The following AIG1 variants were observed in gnomAD, a reference collection of about 807,000 sequenced individuals.
AIG1 encodes the protein androgen-induced gene 1 protein.
In AIG1, 23 loss-of-function variants were observed where a neutral mutation model predicts 31.4. The ratio of observed to expected loss-of-function variants is 0.73; its 90% CI spans 0.53 to 1.04. The LOEUF is 1.04. Among genes scored for constraint, AIG1 ranks in the 50% least tolerant of loss-of-function variants. The pLI is 0.00. For missense variants in AIG1, 274 were observed against 295.0 expected (o/e 0.93, Z 0.52); for synonymous variants, 100 against 110.5 (o/e 0.90, Z 0.60).
At chr6:143,135,124 G>T (rs76505526) in intron 1 of AIG1, among the ~76,000 whole-genome samples, 2,244 of 152,196 alleles carry the variant, frequency 0.015, 40 homozygotes, top group Middle Eastern at 0.082. Context: ...GGTATTGTAA[G>T]AATTAAATTG....
chr6:143,207,014 T>C (rs1037365102), intron 3 of AIG1, among the ~76,000 whole-genome samples: 1 of 152,190 alleles, frequency 6.6e-6, no homozygotes. Context: ...CCAATTAAGA[T>C]GTCATAAGTA....
chr6:143,096,749 G>A (rs955735853), intron 1 of AIG1, among the ~76,000 whole-genome samples: 4 of 152,068 alleles, frequency 2.6e-5, no homozygotes, highest in Admixed American at 2.6e-4. Flanking sequence ...TCTTAATGAC[G>A]CTTCTGTCTT....
intron 2 of AIG1, among the ~76,000 whole-genome samples, chr6:143,154,126 C>G (rs1412281776): frequency 6.6e-6 from 1 of 151,866 alleles, no homozygotes; most frequent in Non-Finnish European, 1.5e-5. Context: ...GGTCTCACTG[C>G]CTGACCTCAC....
chr6:143,336,333 T>C (rs1336297368), intron 5 of AIG1, among the ~76,000 whole-genome samples: 1 of 152,170 alleles, frequency 6.6e-6, no homozygotes, highest in Non-Finnish European at 1.5e-5. Context: ...GAAAGAGAGA[T>C]TGGAAATCAT....
At chr6:143,251,348 G>A (rs565230199) in intron 3 of AIG1, among the ~76,000 whole-genome samples, 2 of 152,086 alleles carry the variant, frequency 1.3e-5, no homozygotes, top group Non-Finnish European at 2.9e-5. Context: ...CACCGTGCCC[G>A]GCCGATTGTT....
chr6:143,098,226 A>G (rs1039339511), intron 1 of AIG1, among the ~76,000 whole-genome samples: 1 of 152,166 alleles, frequency 6.6e-6, no homozygotes, highest in Non-Finnish European at 1.5e-5. Context: ...CAGTGAAGGA[A>G]GTCTAATCAA....
chr6:143,059,397 G>C (rs1776080514), upstream of AIG1, among the ~76,000 whole-genome samples: 5 of 152,068 alleles, frequency 3.3e-5, no homozygotes, highest in South Asian at 1.0e-3. Context: ...ACCAATTCCA[G>C]ACACATTATT....
chr6:143,082,075 A>T (rs1043743651), intron 1 of AIG1, among the ~76,000 whole-genome samples: 3 of 152,120 alleles, frequency 2.0e-5, no homozygotes, highest in African/African-American at 7.2e-5. Flanking sequence ...GTTCCCTCGG[A>T]AGTTAGGAAT....
intron 1 of AIG1, among the ~76,000 whole-genome samples, chr6:143,095,762 T>G (rs770909084): frequency 3.3e-5 from 5 of 152,094 alleles, no homozygotes; most frequent in Non-Finnish European, 7.4e-5. Context: ...GCATTTTAAT[T>G]GAACAAGCCA....
At chr6:143,105,490 T>C (rs1244689181) in intron 1 of AIG1, among the ~76,000 whole-genome samples, 1 of 152,246 alleles carries the variant, frequency 6.6e-6, no homozygotes, top group Non-Finnish European at 1.5e-5. Context: ...AATGCTTTTC[T>C]CAAGCTGACT....
rs1254914319 is a variant in AIG1, at chr6:143,292,227, A to G, written c.515+8002A>G. Reference sequence around the variant, plus strand: ...CCTAAAATCCCCAGAACTTGTGGATATGTTCCCTGACATGGCATGTGGCAA... The same window carrying G: ...CCTAAAATCCCCAGAACTTGTGGATGTGTTCCCTGACATGGCATGTGGCAA... On this transcript the variant is annotated intron_variant, in intron 4 of 5. Transcript: ENST00000357847. The surrounding 1 kb of genome is among the most constrained non-coding windows in gnomAD (Gnocchi z 4.9). 6.6e-6 allele frequency among the ~76,000 whole-genome samples: 1 copy of G among 152,240 alleles called. No individual in the cohort carries two copies. The highest frequency in any genetic ancestry group is 1.5e-5 in the Non-Finnish European group (1 of 68,046).
chr6:143,343,760 A>G (rs2128729045), downstream of AIG1, among the ~76,000 whole-genome samples: 1 of 152,308 alleles, frequency 6.6e-6, no homozygotes. Flanking sequence ...AAATAAATGT[A>G]CAGGTTTGTT....
chr6:143,073,225 GA>G (rs1170493936), intron 1 of AIG1, among the ~76,000 whole-genome samples: 1 of 152,098 alleles, frequency 6.6e-6, no homozygotes, highest in Non-Finnish European at 1.5e-5. Flanking sequence ...CTTTAGGGCT[GA>G]ATTGTATGTA....
intron 2 of AIG1, among the ~76,000 whole-genome samples, chr6:143,143,332 TAAAAA>T (rs555854641): frequency 7.0e-6 from 1 of 143,068 alleles, no homozygotes; most frequent in South Asian, 2.3e-4. Context: ...CCATCTCTAC[TAAAAA>T]AAAAATACAA....
chr6:143,071,999 C>G (rs1229837184), intron 1 of AIG1, among the ~76,000 whole-genome samples: 1 of 151,680 alleles, frequency 6.6e-6, no homozygotes, highest in East Asian at 1.9e-4. Flanking sequence ...GCTGCATTAC[C>G]CAGGCTGGTC....
intron 4 of AIG1, among the ~76,000 whole-genome samples, chr6:143,321,509 A>T (rs1173451233): frequency 6.6e-6 from 1 of 151,968 alleles, no homozygotes; most frequent in African/African-American, 2.4e-5. Flanking sequence ...TGAGGCAGAG[A>T]ATCTCTTGAA....
At chr6:143,188,868 T>G (rs1463421829) in intron 3 of AIG1, 5 of 985,316 alleles carry the variant, frequency 5.1e-6, no homozygotes, top group Non-Finnish European at 6.0e-6. Flanking sequence ...AATAAGAAAT[T>G]TGGCATTTCT....
At chr6:143,183,781 A>G (rs953895825) in intron 3 of AIG1, among the ~76,000 whole-genome samples, 6 of 152,066 alleles carry the variant, frequency 3.9e-5, no homozygotes, top group South Asian at 2.1e-4. Context: ...AACTTAATTC[A>G]TATGTTTTCC....
intron 3 of AIG1, among the ~76,000 whole-genome samples, chr6:143,275,327 A>C (rs1281460588): frequency 6.6e-6 from 1 of 151,372 alleles, no homozygotes; most frequent in Non-Finnish European, 1.5e-5. Flanking sequence ...TCCTCTCTTC[A>C]CTCCCTTCTC....
Sources: allele counts gnomAD v4.1 joint callset (sites outside exome capture counted in the v4.1 genomes callset), GRCh38; gene constraint gnomAD v4.1.1; non-coding constraint Gnocchi (gnomAD v3.1); transcripts MANE v1.5; gene names NCBI Gene and HGNC (gene_info 2026-07-23, HGNC 2026-07-21).